Variants in ANGPT1 observed in about 807,000 individuals in gnomAD.
ANGPT1 encodes angiopoietin 1.
In ANGPT1, 17 loss-of-function variants were observed where a neutral mutation model predicts 62.2. The ratio of observed to expected loss-of-function variants is 0.27; its 90% CI spans 0.19 to 0.41. ANGPT1 has a LOEUF of 0.41. Ranked by LOEUF, ANGPT1 falls within the 10% of genes least tolerant of loss-of-function variation. ANGPT1 has a pLI of 1.00. For missense variants in ANGPT1, 478 were observed against 594.9 expected (o/e 0.80, Z 2.04); for synonymous variants, 199 against 198.9 (o/e 1.00, Z 0.00).
At chr8:107,328,124 ATAGAAACCTCAT>A (rs1271936868) in intron 3 of ANGPT1, among the ~76,000 whole-genome samples, 1 of 152,104 alleles carries the variant, frequency 6.6e-6, no homozygotes, top group African/African-American at 2.4e-5. Context: ...TGTTGAAAAT[ATAGAAACCTCAT>A]TTTTATCTGT....
intron 1 of ANGPT1, among the ~76,000 whole-genome samples, chr8:107,459,178 T>C (rs1186001678): frequency 6.6e-6 from 1 of 152,128 alleles, no homozygotes; most frequent in African/African-American, 2.4e-5. Context: ...AGTAAACTTG[T>C]CCAAGAGCTC....
At chr8:107,255,522 T>C (rs962883605) in intron 8 of ANGPT1, among the ~76,000 whole-genome samples, 30 of 152,148 alleles carry the variant, frequency 2.0e-4, no homozygotes, top group African/African-American at 6.8e-4. Context: ...CATCAATAAA[T>C]AACCAAGAGA....
At chr8:107,308,840 A>T (rs912544592) in intron 4 of ANGPT1, among the ~76,000 whole-genome samples, 2 of 152,190 alleles carry the variant, frequency 1.3e-5, no homozygotes, top group African/African-American at 4.8e-5. Context: ...ACATTCAGTC[A>T]ATAAGCAACC....
chr8:107,493,231 T>A lies in ANGPT1; in HGVS notation c.297+4031A>T, dbSNP rs1022308367. 3.3e-5 allele frequency among the ~76,000 whole-genome samples: 5 copies of A among 150,298 alleles called. 1 individual carries two copies. Among genetic ancestry groups the A allele is most frequent in the African/African-American group, 1.2e-4 (5 of 40,756 alleles). On this transcript the variant is annotated intron_variant, in intron 1 of 8. Transcript: ENST00000517746. ...ACACTTGAGGAACTCACAGTCTAGGTGGGAAAACAAGCCTAGAAACAAACA... is the reference window on the plus strand; with the variant it reads ...ACACTTGAGGAACTCACAGTCTAGGAGGGAAAACAAGCCTAGAAACAAACA...
intron 1 of ANGPT1, among the ~76,000 whole-genome samples, chr8:107,441,265 C>T (rs1811467420): frequency 6.6e-6 from 1 of 152,178 alleles, no homozygotes; most frequent in Non-Finnish European, 1.5e-5. Flanking sequence ...AAAGTTCTCT[C>T]ATATAATATT....
At chr8:107,449,766 A>T (rs1811719493) in intron 1 of ANGPT1, among the ~76,000 whole-genome samples, 1 of 152,048 alleles carries the variant, frequency 6.6e-6, no homozygotes, top group East Asian at 1.9e-4. Context: ...TGTGCAAAGA[A>T]CCCGTCTTCA....
chr8:107,297,504 G>A (rs1023411254), intron 5 of ANGPT1, among the ~76,000 whole-genome samples: 10 of 150,672 alleles, frequency 6.6e-5, no homozygotes, highest in African/African-American at 1.5e-4. Context: ...TTTATGCTAC[G>A]CATTATACAC....
At chr8:107,476,590 TA>T (rs1273543956) in intron 1 of ANGPT1, among the ~76,000 whole-genome samples, 1 of 151,898 alleles carries the variant, frequency 6.6e-6, no homozygotes, top group Admixed American at 6.6e-5. Context: ...AGTATAATAA[TA>T]AATAAATAAA....
intron 3 of ANGPT1, among the ~76,000 whole-genome samples, chr8:107,334,302 T>A (rs757000445): frequency 2.0e-5 from 3 of 152,192 alleles, no homozygotes; most frequent in Admixed American, 2.0e-4. Flanking sequence ...TACTGAGAGA[T>A]GGATTCAAAC....
At chr8:107,370,006 C>T (rs1017384035) in intron 1 of ANGPT1, among the ~76,000 whole-genome samples, 38 of 151,466 alleles carry the variant, frequency 2.5e-4, no homozygotes, top group Admixed American at 1.9e-3. Flanking sequence ...TGTGGTGGCA[C>T]GCATCTGCAG....
intron 1 of ANGPT1, among the ~76,000 whole-genome samples, chr8:107,459,168 A>G (rs1430465956): frequency 6.6e-6 from 1 of 152,146 alleles, no homozygotes; most frequent in Non-Finnish European, 1.5e-5. Context: ...ATATTTAAGG[A>G]GTAAACTTGT....
At chr8:107,268,316 A>G (rs1408624533) in intron 7 of ANGPT1, among the ~76,000 whole-genome samples, 2 of 152,046 alleles carry the variant, frequency 1.3e-5, no homozygotes, top group Non-Finnish European at 1.5e-5. Flanking sequence ...TAGCTTTTAC[A>G]TCTCATTTAG....
At chr8:107,369,906 G>C (rs1229362283) in intron 1 of ANGPT1, among the ~76,000 whole-genome samples, 1 of 152,070 alleles carries the variant, frequency 6.6e-6, no homozygotes, top group African/African-American at 2.4e-5. Flanking sequence ...GGGAGACCAA[G>C]GTGGGAGGTT....
At chr8:107,470,841 C>T (rs1027688118) in intron 1 of ANGPT1, among the ~76,000 whole-genome samples, 1 of 152,018 alleles carries the variant, frequency 6.6e-6, no homozygotes, top group Admixed American at 6.6e-5. Context: ...TCAAAACCAC[C>T]ATGAGATACC....
intron 4 of ANGPT1, among the ~76,000 whole-genome samples, chr8:107,305,046 T>C (rs191934202): frequency 1.2e-4 from 18 of 152,160 alleles, no homozygotes; most frequent in Admixed American, 4.6e-4. Context: ...GGTATCCATT[T>C]CAAAAGCATT....
chr8:107,409,250 G>A (rs1482095855), intron 1 of ANGPT1, among the ~76,000 whole-genome samples: 2 of 152,154 alleles, frequency 1.3e-5, no homozygotes, highest in African/African-American at 4.8e-5. Flanking sequence ...AGTCAATTCT[G>A]TCATCTCTGA....
At chr8:107,395,389 T>C (rs139130820) in intron 1 of ANGPT1, among the ~76,000 whole-genome samples, 42 of 152,344 alleles carry the variant, frequency 2.8e-4, no homozygotes, top group African/African-American at 7.5e-4. Context: ...GTAACATTTA[T>C]ATGCATTTAC....
chr8:107,267,571 C>T (rs1447514231), intron 7 of ANGPT1, among the ~76,000 whole-genome samples: 1 of 152,082 alleles, frequency 6.6e-6, no homozygotes, highest in Admixed American at 6.6e-5. Flanking sequence ...AGAAGACTTA[C>T]AACTAGTCTC....
chr8:107,271,578 G>T (rs1017161500), intron 7 of ANGPT1, among the ~76,000 whole-genome samples: 1 of 151,904 alleles, frequency 6.6e-6, no homozygotes, highest in Admixed American at 6.6e-5. Flanking sequence ...AATTAAAGAT[G>T]AAAAGGATCA....
Sources: allele counts gnomAD v4.1 joint callset (sites outside exome capture counted in the v4.1 genomes callset), GRCh38; gene constraint gnomAD v4.1.1; transcripts MANE v1.5; gene names NCBI Gene and HGNC (gene_info 2026-07-23, HGNC 2026-07-21).